The following NKAIN3 variants were observed in gnomAD, a reference collection of about 807,000 sequenced individuals.
The protein encoded by NKAIN3 is sodium/potassium-transporting ATPase subunit beta-1-interacting protein 3.
A neutral mutation model predicts 30.2 loss-of-function variants in NKAIN3; 25 were observed. The observed-to-expected ratio is 0.83, with a 90% confidence interval of 0.60 to 1.16. The LOEUF is 1.16. NKAIN3 is among the 50% of genes most tolerant of loss of function. The pLI is 0.00. For synonymous variants in NKAIN3, 91 were observed against 89.6 expected (o/e 1.02, Z -0.09); for missense variants, 225 against 254.1 (o/e 0.89, Z 0.78).
intron 1 of NKAIN3, among the ~76,000 whole-genome samples, chr8:62,281,555 C>T (rs753169142): frequency 6.6e-6 from 1 of 152,034 alleles, no homozygotes; most frequent in Non-Finnish European, 1.5e-5. Context: ...AAATGTTTCC[C>T]AAGATTCTGG....
chr8:62,884,200 C>G (rs1221306357), intron 4 of NKAIN3, among the ~76,000 whole-genome samples: 1 of 152,020 alleles, frequency 6.6e-6, no homozygotes, highest in African/African-American at 2.4e-5. Context: ...TAATGCTGGC[C>G]TCCTAAAACG....
At chr8:62,946,357 T>C (rs2130889071) in intron 5 of NKAIN3, among the ~76,000 whole-genome samples, 1 of 152,300 alleles carries the variant, frequency 6.6e-6, no homozygotes, top group East Asian at 1.9e-4. Flanking sequence ...GCCCCAACTG[T>C]GGCCTGTGTT....
intron 1 of NKAIN3, among the ~76,000 whole-genome samples, chr8:62,551,312 C>T (rs1809201548): frequency 6.6e-6 from 1 of 152,056 alleles, no homozygotes; most frequent in Non-Finnish European, 1.5e-5. Context: ...CTTCTGTAAT[C>T]TGAACAGTCA....
rs543653131 is a variant in NKAIN3, at chr8:62,814,855, C to A, written c.471+67726C>A. Among the ~76,000 whole-genome samples the A allele has an allele frequency of 1.6e-4, 25 of 151,916 alleles. No individual in the cohort carries two copies. In the South Asian group the frequency reaches 1.7e-3, roughly 10 times the overall value. On this transcript the variant is annotated intron_variant, in intron 4 of 6. Coordinates refer to ENST00000623646, the MANE Select transcript of NKAIN3 (RefSeq NM_001304533.3). Reference sequence around the variant, plus strand: ...GCAAGAGCAAACACATTCAAAAGCTCGCAGAAGACAAGAAATAACTAAAAT... The same window carrying A: ...GCAAGAGCAAACACATTCAAAAGCTAGCAGAAGACAAGAAATAACTAAAAT...
chr8:62,740,474 T>A (rs1815828426), intron 3 of NKAIN3, among the ~76,000 whole-genome samples: 1 of 152,144 alleles, frequency 6.6e-6, no homozygotes. Context: ...AAAAAAATGA[T>A]TATTGTTAGA....
chr8:62,508,949 G>T (rs1462120001), intron 1 of NKAIN3, among the ~76,000 whole-genome samples: 1 of 140,960 alleles, frequency 7.1e-6, no homozygotes. Flanking sequence ...TGTCTTTTGG[G>T]AATCCAGTGA....
chr8:62,432,588 T>C (rs1204950164), intron 1 of NKAIN3, among the ~76,000 whole-genome samples: 1 of 152,092 alleles, frequency 6.6e-6, no homozygotes, highest in African/African-American at 2.4e-5. Context: ...CATGTTGTCT[T>C]TGATCTTTCC....
chr8:62,990,376 T>C, intron 5 of NKAIN3: 4 of 1,237,284 alleles, frequency 3.2e-6, no homozygotes, highest in Non-Finnish European at 4.1e-6. Flanking sequence ...CAGTCTAATA[T>C]ATAAATTTTA....
intron 4 of NKAIN3, among the ~76,000 whole-genome samples, chr8:62,857,742 GT>G (rs1458813924): frequency 6.6e-6 from 1 of 152,088 alleles, no homozygotes; most frequent in East Asian, 1.9e-4. Flanking sequence ...CTTCTGCATT[GT>G]TTTATTATGA....
At chr8:62,711,266 A>G (rs1037711019) in intron 3 of NKAIN3, among the ~76,000 whole-genome samples, 3 of 152,118 alleles carry the variant, frequency 2.0e-5, no homozygotes, top group African/African-American at 7.2e-5. Context: ...TGCTTCTTGT[A>G]TTTGGATGTC....
At chr8:62,296,246 T>C (rs1297049884) in intron 1 of NKAIN3, among the ~76,000 whole-genome samples, 1 of 152,190 alleles carries the variant, frequency 6.6e-6, no homozygotes, top group Non-Finnish European at 1.5e-5. Context: ...GGGATATAGT[T>C]AAAGGTGAGG....
In NKAIN3 at chr8:62,963,638, C is replaced by A. The variant is rs901194748; in HGVS notation, c.604-1716C>A. Among the ~76,000 whole-genome samples the A allele has an allele frequency of 6.6e-5, 10 of 152,222 alleles. No homozygotes were observed. The South Asian group carries it at 1.9e-3, about 28-fold the overall frequency. On this transcript the variant is annotated intron_variant, in intron 6 of 6. Transcript: ENST00000623646. ...AAGATTGCATAAAGCTATAAAATTC[C>A]ACCATTATAATCCCATCCCTTTCTC...
At chr8:62,573,812 A>G (rs1810022238) in intron 1 of NKAIN3, among the ~76,000 whole-genome samples, 1 of 152,138 alleles carries the variant, frequency 6.6e-6, no homozygotes, top group Non-Finnish European at 1.5e-5. Flanking sequence ...AAAGGCTTGC[A>G]ATGTGTGATA....
chr8:62,435,261 C>T (rs1015375114), intron 1 of NKAIN3, among the ~76,000 whole-genome samples: 2 of 152,072 alleles, frequency 1.3e-5, no homozygotes, highest in African/African-American at 4.8e-5. Flanking sequence ...GTTCAAGGCA[C>T]TTCCTCCTGG....
At chr8:62,296,359 ACT>A (rs760975488) in intron 1 of NKAIN3, among the ~76,000 whole-genome samples, 1 of 151,928 alleles carries the variant, frequency 6.6e-6, no homozygotes, top group South Asian at 2.1e-4. Flanking sequence ...GTTAGTGTAG[ACT>A]CTCTGTAATC....
chr8:62,729,938 C>T (rs1229137268), intron 3 of NKAIN3, among the ~76,000 whole-genome samples: 1 of 152,174 alleles, frequency 6.6e-6, no homozygotes, highest in African/African-American at 2.4e-5. Context: ...ATAGCATATG[C>T]TCATTTTAAA....
intron 1 of NKAIN3, among the ~76,000 whole-genome samples, chr8:62,292,108 C>T (rs1020701697): frequency 3.3e-5 from 5 of 152,074 alleles, no homozygotes; most frequent in South Asian, 4.2e-4. Flanking sequence ...TCCTCCATCC[C>T]TTTATTTTGA....
chr8:62,269,227 A>G (rs1403503046), intron 1 of NKAIN3, among the ~76,000 whole-genome samples: 1 of 152,216 alleles, frequency 6.6e-6, no homozygotes, highest in African/African-American at 2.4e-5. Context: ...GCCATGCTAT[A>G]TATCAATAGC....
chr8:62,457,675 T>A (rs1805861055), intron 1 of NKAIN3, among the ~76,000 whole-genome samples: 1 of 152,216 alleles, frequency 6.6e-6, no homozygotes, highest in Admixed American at 6.5e-5. Flanking sequence ...GTTAAAAAAA[T>A]ATTGAATGAA....
Sources: gnomAD v4.1 joint callset for allele counts (sites outside exome capture counted in the v4.1 genomes callset) on GRCh38, gnomAD v4.1.1 for gene constraint, MANE v1.5 for transcripts, NCBI Gene and HGNC (gene_info 2026-07-23, HGNC 2026-07-21) for gene names.